Variants in MRAS observed in about 807,000 individuals in gnomAD.
MRAS encodes muscle RAS oncogene homolog, also known as ras-related protein M-Ras.
In MRAS, 4 loss-of-function variants were observed where a neutral mutation model predicts 20.9. That is an observed-to-expected ratio of 0.19 (90% CI 0.09 to 0.44). The LOEUF (loss-of-function observed/expected upper bound fraction) is 0.44, where lower values mean the gene tolerates loss of function less well. Among genes scored for constraint, MRAS ranks in the 20% least tolerant of loss-of-function variants. MRAS has a pLI of 0.99. For missense variants in MRAS, 154 were observed against 277.5 expected, an observed-to-expected ratio of 0.56 and a Z score of 3.16; for synonymous variants, 98 against 102.9, an observed-to-expected ratio of 0.95 and a Z score of 0.29.
intron 1 of MRAS, among the ~76,000 whole-genome samples, chr3:138,356,881 C>G (rs2054345398): frequency 6.6e-6 from 1 of 152,242 alleles, no homozygotes. Flanking sequence ...CCATCCACCC[C>G]TACTCACTGA....
chr3:138,356,075 G>C (rs1453172204), intron 1 of MRAS, among the ~76,000 whole-genome samples: 1 of 152,234 alleles, frequency 6.6e-6, no homozygotes, highest in Non-Finnish European at 1.5e-5. Context: ...CCGTACCAGT[G>C]AAGGCAGTTG....
chr3:138,359,298 T>C (rs979615123), intron 1 of MRAS, among the ~76,000 whole-genome samples: 4 of 152,172 alleles, frequency 2.6e-5, no homozygotes, highest in Non-Finnish European at 5.9e-5. Context: ...ACTCCAAAGC[T>C]AGGTGGCCAG....
At chr3:138,379,167 TC>T (rs1292650487) in intron 2 of MRAS, among the ~76,000 whole-genome samples, 1 of 152,024 alleles carries the variant, frequency 6.6e-6, no homozygotes, top group Non-Finnish European at 1.5e-5. Flanking sequence ...CAACTTCTCT[TC>T]ATCCCCCCAC....
In MRAS at chr3:138,367,749, G is replaced by A. The variant is rs532240296; in HGVS notation, c.-18-5117G>A. On this transcript the variant is annotated intron_variant, in intron 1 of 5. Coordinates refer to ENST00000423968, the MANE Select transcript of MRAS (RefSeq NM_001085049.3). ...GTGAGAGGCAAAGGAATGAGAGGATGTGGCTCTTGTCCTCGTGGAGCTTAC... is the reference window on the plus strand; with the variant it reads ...GTGAGAGGCAAAGGAATGAGAGGATATGGCTCTTGTCCTCGTGGAGCTTAC... Among the ~76,000 whole-genome samples, 66 of 152,354 alleles carry A rather than the reference G, an allele frequency of 4.3e-4. No individual in the cohort carries two copies. The South Asian group carries it at 0.013, about 30-fold the overall frequency.
chr3:138,390,124 A>G (rs1260561517), intron 2 of MRAS, among the ~76,000 whole-genome samples: 1 of 150,654 alleles, frequency 6.6e-6, no homozygotes, highest in Non-Finnish European at 1.5e-5. Flanking sequence ...GGAGGAGAAG[A>G]TCTTGACTAT....
intron 2 of MRAS, among the ~76,000 whole-genome samples, chr3:138,374,275 G>C (rs998854272): frequency 1.2e-4 from 18 of 152,040 alleles, no homozygotes; most frequent in African/African-American, 4.3e-4. Context: ...CTTATTTGTA[G>C]TTTTCAGTGC....
chr3:138,392,573 C>G (rs2108553061), intron 2 of MRAS, among the ~76,000 whole-genome samples: 1 of 152,280 alleles, frequency 6.6e-6, no homozygotes, highest in East Asian at 1.9e-4. Flanking sequence ...TGCGGCACTT[C>G]TTGATGCTTG....
chr3:138,386,377 T>A (rs2055014895), intron 2 of MRAS, among the ~76,000 whole-genome samples: 1 of 152,222 alleles, frequency 6.6e-6, no homozygotes, highest in Non-Finnish European at 1.5e-5. Flanking sequence ...TGGTCTCTTG[T>A]GCCTGGCTTC....
intron 1 of MRAS, among the ~76,000 whole-genome samples, chr3:138,360,529 G>A (rs1004963299): frequency 6.6e-6 from 1 of 152,214 alleles, no homozygotes; most frequent in African/African-American, 2.4e-5. Context: ...CAGTGCTTTG[G>A]GAATTTGGAC....
In MRAS at chr3:138,394,778, C is replaced by T. The variant is rs115596850; in HGVS notation, c.194-2546C>T. On this transcript the variant is annotated intron_variant, in intron 2 of 5. Coordinates refer to ENST00000423968, the MANE Select transcript of MRAS (RefSeq NM_001085049.3). Reference sequence around the variant, plus strand: ...CAGAAACAGGCGTCATCCTCAATGCCTCTTTTTCTCACCTCTCTATCCCCA... The same window carrying T: ...CAGAAACAGGCGTCATCCTCAATGCTTCTTTTTCTCACCTCTCTATCCCCA... Among the ~76,000 whole-genome samples the T allele has an allele frequency of 9.9e-3, 1,512 of 152,316 alleles. 24 individuals carry two copies. Among genetic ancestry groups the T allele is most frequent in the African/African-American group, 0.035 (1,450 of 41,580 alleles).
At chr3:138,383,983 T>C (rs2054958602) in intron 2 of MRAS, among the ~76,000 whole-genome samples, 1 of 152,168 alleles carries the variant, frequency 6.6e-6, no homozygotes, top group Non-Finnish European at 1.5e-5. Context: ...AAGCTGCACC[T>C]GTATCTGGAA....
chr3:138,374,687 C>T (rs2054747539), intron 2 of MRAS, among the ~76,000 whole-genome samples: 1 of 152,174 alleles, frequency 6.6e-6, no homozygotes, highest in African/African-American at 2.4e-5. Context: ...TGGTCTTTAG[C>T]ATTAAGTATG....
intron 2 of MRAS, among the ~76,000 whole-genome samples, chr3:138,373,837 A>G (rs2054723979): frequency 6.6e-6 from 1 of 152,162 alleles, no homozygotes; most frequent in African/African-American, 2.4e-5. Flanking sequence ...TATTTTAACA[A>G]TGTTGAGGCT....
At chr3:138,379,024 A>G (rs1318277833) in intron 2 of MRAS, among the ~76,000 whole-genome samples, 1 of 152,152 alleles carries the variant, frequency 6.6e-6, no homozygotes, top group African/African-American at 2.4e-5. Context: ...CTTTCTTTGT[A>G]TTGGGAACAT....
intron 2 of MRAS, among the ~76,000 whole-genome samples, chr3:138,378,450 C>T (rs2054828963): frequency 6.6e-6 from 1 of 152,332 alleles, no homozygotes; most frequent in South Asian, 2.1e-4. Context: ...TGCAAGGGTT[C>T]GGGATCCTCA....
intron 1 of MRAS, among the ~76,000 whole-genome samples, chr3:138,368,951 T>TG (rs1305719563): frequency 2.0e-5 from 3 of 152,070 alleles, no homozygotes; most frequent in African/African-American, 7.2e-5. Context: ...CTTTAGGAAT[T>TG]GGGGGGTTCT....
intron 2 of MRAS, among the ~76,000 whole-genome samples, chr3:138,373,353 A>T (rs1014970091): frequency 6.6e-6 from 1 of 152,210 alleles, no homozygotes; most frequent in Admixed American, 6.5e-5. Context: ...TTTCTTGCTG[A>T]TCAGAATCTC....
chr3:138,383,592 T>C (rs2054949125), intron 2 of MRAS, among the ~76,000 whole-genome samples: 1 of 152,116 alleles, frequency 6.6e-6, no homozygotes, highest in Non-Finnish European at 1.5e-5. Flanking sequence ...TCTAGGGAGG[T>C]TCAGGAGTGA....
At chr3:138,351,836 A>T (rs114936880) in intron 1 of MRAS, among the ~76,000 whole-genome samples, 2 of 152,166 alleles carry the variant, frequency 1.3e-5, no homozygotes, top group Non-Finnish European at 2.9e-5. Context: ...TAATATGTTG[A>T]TGAGAAGCCC....
Sources: allele counts gnomAD v4.1 joint callset (sites outside exome capture counted in the v4.1 genomes callset), GRCh38; gene constraint gnomAD v4.1.1; transcripts MANE v1.5; gene names NCBI Gene and HGNC (gene_info 2026-07-23, HGNC 2026-07-21).